UBR3: variants seen among roughly 807,000 people sequenced by gnomAD.
UBR3 encodes the protein ubiquitin protein ligase E3 component n-recognin 3.
Under a neutral mutation model 243.2 loss-of-function variants are expected in UBR3, and 85 were observed. That is an observed-to-expected ratio of 0.35 (90% CI 0.29 to 0.42). The LOEUF (loss-of-function observed/expected upper bound fraction) is 0.42, where lower values mean the gene tolerates loss of function less well. UBR3 is among the 10% of genes least tolerant of loss of function. UBR3 has a pLI of 1.00. For missense variants in UBR3, 1,686 were observed against 2,300.8 expected (o/e 0.73, Z 5.47); for synonymous variants, 748 against 799.8 (o/e 0.94, Z 1.09).
At chr2:170,056,386 CAAAG>C (rs906060012) in intron 33 of UBR3, among the ~76,000 whole-genome samples, 4 of 152,030 alleles carry the variant, frequency 2.6e-5, no homozygotes, top group African/African-American at 7.2e-5. Context: ...TTAGGAAACT[CAAAG>C]GAACTCAGTT....
rs763604990 is a variant in UBR3 at position 170,081,885 on chromosome 2, G to A, written c.*42G>A. On this transcript the variant is annotated 3_prime_UTR_variant, in exon 39 of 39. Coordinates refer to ENST00000272793, the MANE Select transcript of UBR3 (RefSeq NM_172070.4). ...TGCATCGTATCATCATTTTCGCTAC[G>A]AATTTATTTTTCAACAATAAGCTTT... 119 of 1,331,630 alleles carry A rather than the reference G, an allele frequency of 8.9e-5. 1 individual carries two copies. In the East Asian group the frequency reaches 1.5e-3, roughly 17 times the overall value. 82.5% of individuals were successfully genotyped at this position (1,331,630 alleles called of 1,614,324 possible).
chr2:169,937,755 G>T (rs946236921), intron 19 of UBR3, among the ~76,000 whole-genome samples: 2 of 152,136 alleles, frequency 1.3e-5, no homozygotes, highest in South Asian at 2.1e-4. Flanking sequence ...TTGTTATTAA[G>T]AGTTCTTGAG....
At chr2:169,961,548 G>A (rs922083011) in intron 24 of UBR3, among the ~76,000 whole-genome samples, 1 of 152,082 alleles carries the variant, frequency 6.6e-6, no homozygotes, top group Non-Finnish European at 1.5e-5. Context: ...AGGGACTTTA[G>A]TCTACTCTCA....
rs930373591 is a variant in UBR3, at chr2:170,073,503, A to G, written c.5095A>G (p.Ile1699Val). 8.1e-6 allele frequency: 13 copies of G among 1,613,722 alleles called. No homozygotes were observed. Among genetic ancestry groups the G allele is most frequent in the Non-Finnish European group, 1.0e-5 (12 of 1,179,774 alleles). Reference sequence around the variant, plus strand: ...GTTTTACCAAACAGAACATCCATTCATCAGTGCCTCCTGTCTGGATTGGCC... The same window carrying G: ...GTTTTACCAAACAGAACATCCATTCGTCAGTGCCTCCTGTCTGGATTGGCC... ...PTFYQTEHPF[I>V]SASCLDWPVP... is the part of the protein sequence containing the mutation. The change falls in exon 36 of 39, where the codon ATC (isoleucine) becomes GTC (valine). Residue 1699 changes from isoleucine to valine, a missense_variant. Coordinates refer to ENST00000272793, the MANE Select transcript of UBR3 (RefSeq NM_172070.4).
intron 14 of UBR3, 32 bp from the exon 15 acceptor site, chr2:169,926,660 T>G (rs1423814478): frequency 7.3e-6 from 11 of 1,510,044 alleles, no homozygotes; most frequent in Non-Finnish European, 8.9e-6. Flanking sequence ...AACTGAATAT[T>G]GAGAAATAAA....
intron 35 of UBR3, among the ~76,000 whole-genome samples, chr2:170,069,058 A>G (rs1025213041): frequency 2.0e-5 from 3 of 152,194 alleles, no homozygotes; most frequent in Non-Finnish European, 2.9e-5. Context: ...CATTTAAGAA[A>G]GAAATTGTAC....
chr2:170,063,702 A>G (rs1183083412), intron 35 of UBR3, among the ~76,000 whole-genome samples: 1 of 152,168 alleles, frequency 6.6e-6, no homozygotes, highest in Non-Finnish European at 1.5e-5. Flanking sequence ...TTTGTCCAGC[A>G]TATTCATGCT....
intron 19 of UBR3, among the ~76,000 whole-genome samples, chr2:169,934,298 G>T (rs1483932574): frequency 6.6e-6 from 1 of 152,106 alleles, no homozygotes; most frequent in Admixed American, 6.5e-5. Context: ...TCAGGGTAGT[G>T]ATGATGGTTA....
At chr2:169,941,693 G>A (rs1478457522) in intron 19 of UBR3, among the ~76,000 whole-genome samples, 1 of 152,190 alleles carries the variant, frequency 6.6e-6, no homozygotes, top group Non-Finnish European at 1.5e-5. Context: ...GTATGTATGT[G>A]TAGGAAAACA....
intron 1 of UBR3, among the ~76,000 whole-genome samples, chr2:169,849,509 G>T (rs1446485105): frequency 6.6e-6 from 1 of 152,126 alleles, no homozygotes; most frequent in Non-Finnish European, 1.5e-5. Flanking sequence ...TGGCCAGGCT[G>T]GTCTTGAACT....
intron 1 of UBR3, among the ~76,000 whole-genome samples, chr2:169,857,523 C>T (rs1335247223): frequency 9.9e-5 from 15 of 151,470 alleles, no homozygotes. Context: ...TTCAAGCGTT[C>T]CTCCTGCCTC....
At chr2:170,062,730 G>A (rs2091479532) in intron 35 of UBR3, among the ~76,000 whole-genome samples, 1 of 152,062 alleles carries the variant, frequency 6.6e-6, no homozygotes, top group African/African-American at 2.4e-5. Flanking sequence ...TTACCTTATG[G>A]CTTATTTTGT....
At chr2:169,957,676 C>T (rs1055080584) in intron 23 of UBR3, among the ~76,000 whole-genome samples, 3 of 151,932 alleles carry the variant, frequency 2.0e-5, no homozygotes, top group Non-Finnish European at 4.4e-5. Context: ...GAAACCTGTA[C>T]ATTGTGCACA....
chr2:169,923,857 A>C (rs2085800512), intron 11 of UBR3, 72 bp from the exon 12 acceptor site: 2 of 1,297,720 alleles, frequency 1.5e-6, no homozygotes, highest in Non-Finnish European at 2.1e-6. Flanking sequence ...AGTATGGTTT[A>C]AACATTTTAC....
At chr2:169,976,757 A>G (rs955167329) in intron 24 of UBR3, among the ~76,000 whole-genome samples, 4 of 152,044 alleles carry the variant, frequency 2.6e-5, no homozygotes, top group African/African-American at 4.8e-5. Flanking sequence ...AGTCTAATCT[A>G]TTTGAGAACT....
intron 24 of UBR3, among the ~76,000 whole-genome samples, chr2:169,985,743 G>C (rs2088971277): frequency 6.6e-6 from 1 of 152,020 alleles, no homozygotes; most frequent in Admixed American, 6.6e-5. Flanking sequence ...TTAGGTTACT[G>C]TCCCTTTTCC....
Position 169,891,126 on chromosome 2 carries a change from A to G in UBR3, c.1039-39A>G, listed in dbSNP as rs1169615653. 4 of 1,456,638 alleles carry G rather than the reference A, an allele frequency of 2.7e-6. No individual in the cohort carries two copies. In the Admixed American group the frequency reaches 8.1e-5, roughly 29 times the overall value. The allele number at this position is 1,456,638 out of a possible 1,614,324, so 90.2% of individuals were successfully genotyped here. On this transcript the variant is annotated intron_variant, in intron 5 of 38. Transcript: ENST00000272793. ...CATTTATAAAGTGTATCAATTTATG[A>G]ATGTGACTGTGTATAATGCTAATAT...
chr2:170,057,612 A>C (rs2091362636), intron 33 of UBR3, among the ~76,000 whole-genome samples: 2 of 152,178 alleles, frequency 1.3e-5, no homozygotes, highest in Non-Finnish European at 2.9e-5. Context: ...ATTTGGGTCT[A>C]ACTATTTACA....
intron 27 of UBR3, among the ~76,000 whole-genome samples, chr2:170,006,419 GA>G (rs1340010568): frequency 6.6e-6 from 1 of 152,188 alleles, no homozygotes; most frequent in Non-Finnish European, 1.5e-5. Flanking sequence ...GTGAAAAATA[GA>G]ATTCATAGTT....
Sources: gnomAD v4.1 joint callset for allele counts (sites outside exome capture counted in the v4.1 genomes callset) on GRCh38, gnomAD v4.1.1 for gene constraint, MANE v1.5 for transcripts, NCBI Gene and HGNC (gene_info 2026-07-23, HGNC 2026-07-21) for gene names.